LRBA: variants seen among roughly 807,000 people sequenced by gnomAD.
The protein encoded by LRBA is LPS responsive beige-like anchor protein, also known as lipopolysaccharide-responsive and beige-like anchor protein.
Under a neutral mutation model 330.0 loss-of-function variants are expected in LRBA, and 176 were observed. That is an observed-to-expected ratio of 0.53 (90% CI 0.47 to 0.60). The LOEUF is 0.60. LRBA is among the 20% of genes least tolerant of loss of function. The probability of loss-of-function intolerance (pLI) is 0.00; values close to 1 mark genes in which losing one functional copy is unlikely to be tolerated. For missense variants in LRBA, 3,259 were observed against 3,444.8 expected (o/e 0.95, Z 1.35); for synonymous variants, 1,230 against 1,193.0 (o/e 1.03, Z -0.64).
chr4:150,361,172 T>A (rs189140746), intron 47 of LRBA, among the ~76,000 whole-genome samples: 1 of 152,352 alleles, frequency 6.6e-6, no homozygotes, highest in Non-Finnish European at 1.5e-5. Context: ...CTCTGTCTAC[T>A]CCTAGAGATT....
intron 47 of LRBA, among the ~76,000 whole-genome samples, chr4:150,386,954 C>T (rs764324626): frequency 4.6e-5 from 7 of 152,104 alleles, no homozygotes; most frequent in Non-Finnish European, 7.4e-5. Context: ...TAATAATAGC[C>T]ATTCTGACTG....
rs180795947 is a variant in LRBA at position 150,528,425 on chromosome 4, C to T, written c.6331-37390G>A. On this transcript the variant is annotated intron_variant, in intron 40 of 56. Coordinates refer to ENST00000651943, the MANE Select transcript of LRBA (RefSeq NM_001364905.1). Reference sequence around the variant, plus strand: ...CTGAGGCAGGAGAATGGCGTGAACCCGGGAGGTGGAGCTTGCAGTGAGCCG... The same window carrying T: ...CTGAGGCAGGAGAATGGCGTGAACCTGGGAGGTGGAGCTTGCAGTGAGCCG... Among the ~76,000 whole-genome samples the T allele has an allele frequency of 1.6e-3, 245 of 151,170 alleles. 3 individuals carry two copies. Among genetic ancestry groups the T allele is most frequent in the African/African-American group, 1.2e-4 (5 of 41,068 alleles).
At position 150,618,001 on chromosome 4, in the gene LRBA, G is replaced by T. The variant is rs1233539943; in HGVS notation, c.5922-18870C>A. Among the ~76,000 whole-genome samples, 7 of 152,094 alleles carry T rather than the reference G, an allele frequency of 4.6e-5. No individual in the cohort carries two copies. The South Asian group carries it at 1.0e-3, about 23-fold the overall frequency. Reference sequence around the variant, plus strand: ...AGCCTGTAGTCCCAGCCACTCAGGAGGCTGAGGTGGGAGGATCGATTGAGC... The same window carrying T: ...AGCCTGTAGTCCCAGCCACTCAGGATGCTGAGGTGGGAGGATCGATTGAGC... On this transcript the variant is annotated intron_variant, in intron 37 of 56. Transcript: ENST00000651943.
intron 53 of LRBA, among the ~76,000 whole-genome samples, chr4:150,300,402 T>C (rs886233614): frequency 1.3e-5 from 2 of 152,062 alleles, no homozygotes; most frequent in African/African-American, 4.8e-5. Flanking sequence ...ATGTCCACCA[T>C]ACTGCAGACA....
chr4:150,936,837 A>G (rs1735125689), intron 2 of LRBA, among the ~76,000 whole-genome samples: 2 of 152,104 alleles, frequency 1.3e-5, no homozygotes, highest in Admixed American at 1.3e-4. Flanking sequence ...TTTACTGCCA[A>G]GAAGATAATG....
At chr4:150,363,017 G>A (rs1019562762) in intron 47 of LRBA, among the ~76,000 whole-genome samples, 3 of 152,154 alleles carry the variant, frequency 2.0e-5, no homozygotes, top group African/African-American at 7.2e-5. Context: ...TGTAGTCCCA[G>A]CTACTTGGGA....
intron 53 of LRBA, among the ~76,000 whole-genome samples, chr4:150,297,715 A>G (rs1580936532): frequency 6.6e-6 from 1 of 152,340 alleles, no homozygotes; most frequent in South Asian, 2.1e-4. Flanking sequence ...ATACCATCCA[A>G]ATAACTTCCT....
chr4:151,007,435 G>A (rs1363680230), intron 2 of LRBA, among the ~76,000 whole-genome samples: 1 of 151,340 alleles, frequency 6.6e-6, no homozygotes, highest in Non-Finnish European at 1.5e-5. Flanking sequence ...AACCCGGGAG[G>A]CGGAGCTTTC....
intron 34 of LRBA, among the ~76,000 whole-genome samples, chr4:150,778,287 T>C (rs904641613): frequency 1.3e-5 from 2 of 152,178 alleles, no homozygotes; most frequent in African/African-American, 4.8e-5. Context: ...TATGTACCTG[T>C]AGCTTGTATA....
In LRBA at chr4:150,402,022, G is replaced by A. The variant is rs142759342; in HGVS notation, c.7194+13416C>T. Among the ~76,000 whole-genome samples the A allele has an allele frequency of 5.5e-4, 84 of 151,876 alleles. No individual in the cohort carries two copies. In the East Asian group the frequency reaches 0.014, roughly 24 times the overall value. ...TGTATAAGAATTCTGTGGGCACGGC[G>A]GCTCACGCCTGTAATCCCAGCACTT... is the stretch of plus-strand genomic sequence containing the variant. On this transcript the variant is annotated intron_variant, in intron 47 of 56. Transcript: ENST00000651943.
chr4:150,637,505 A>T (rs116160484), intron 37 of LRBA, among the ~76,000 whole-genome samples: 2,606 of 152,284 alleles, frequency 0.017, 81 homozygotes, highest in African/African-American at 0.058. Context: ...TAACCAATGA[A>T]ATATGGCAAC....
intron 37 of LRBA, among the ~76,000 whole-genome samples, chr4:150,675,009 G>A (rs1287067241): frequency 6.0e-5 from 9 of 150,612 alleles, no homozygotes; most frequent in Admixed American, 5.9e-4. Context: ...TTGAGCCCAG[G>A]GGTTCAAGAC....
At chr4:150,506,017 A>G (rs1467830627) in intron 40 of LRBA, among the ~76,000 whole-genome samples, 2 of 152,246 alleles carry the variant, frequency 1.3e-5, no homozygotes, top group Non-Finnish European at 2.9e-5. Flanking sequence ...TCCTCCCAAG[A>G]TTAAACCAGG....
intron 36 of LRBA, among the ~76,000 whole-genome samples, chr4:150,706,679 A>C (rs1785656278): frequency 1.3e-5 from 2 of 149,964 alleles, no homozygotes; most frequent in South Asian, 4.1e-4. Context: ...GTAAAAAGAA[A>C]GAAAAAATTC....
At chr4:150,430,522 C>T (rs1267358169) in intron 46 of LRBA, among the ~76,000 whole-genome samples, 1 of 152,090 alleles carries the variant, frequency 6.6e-6, no homozygotes, top group African/African-American at 2.4e-5. Context: ...ATTGCTGGGA[C>T]TTGTTTTACT....
intron 37 of LRBA, among the ~76,000 whole-genome samples, chr4:150,635,852 T>G (rs1581876554): frequency 6.6e-6 from 1 of 152,202 alleles, no homozygotes; most frequent in Non-Finnish European, 1.5e-5. Flanking sequence ...ATTGAGTTAT[T>G]ATGTCTCTTT....
intron 47 of LRBA, among the ~76,000 whole-genome samples, chr4:150,402,698 T>C (rs1328134602): frequency 1.3e-5 from 2 of 152,112 alleles, no homozygotes; most frequent in Non-Finnish European, 1.5e-5. Context: ...AACTATTCAT[T>C]GTTTCCTAGC....
chr4:150,791,324 G>A (rs776304860), intron 34 of LRBA, among the ~76,000 whole-genome samples: 2 of 152,108 alleles, frequency 1.3e-5, no homozygotes, highest in Non-Finnish European at 2.9e-5. Context: ...AGTGAGAGTT[G>A]ATCAAACAAG....
chr4:150,775,345 A>G lies in LRBA; in HGVS notation c.5581-13498T>C, dbSNP rs183568949. Among the ~76,000 whole-genome samples, 6 of 152,184 alleles carry G rather than the reference A, an allele frequency of 3.9e-5. No individual in the cohort carries two copies. The East Asian group carries it at 1.2e-3, about 29-fold the overall frequency. ...CCCAAATTATTTTATTTATTTAGAG[A>G]CAAAGCCTTACTACATCCCCAGTGC... On this transcript the variant is annotated intron_variant, in intron 34 of 56. Transcript: ENST00000651943.
Sources: allele counts gnomAD v4.1 joint callset (sites outside exome capture counted in the v4.1 genomes callset), GRCh38; gene constraint gnomAD v4.1.1; transcripts MANE v1.5; gene names NCBI Gene and HGNC (gene_info 2026-07-23, HGNC 2026-07-21).